EIF2B3: variants seen among roughly 807,000 people sequenced by gnomAD.
EIF2B3 encodes the protein translation initiation factor eIF2B subunit gamma.
A neutral mutation model predicts 54.1 loss-of-function variants in EIF2B3; 20 were observed. The observed-to-expected ratio is 0.37, with a 90% confidence interval of 0.26 to 0.54. The LOEUF (loss-of-function observed/expected upper bound fraction) is 0.54. EIF2B3 is among the 20% of genes least tolerant of loss of function. The probability of loss-of-function intolerance (pLI) is 0.86; values close to 1 mark genes in which losing one functional copy is unlikely to be tolerated. For synonymous variants in EIF2B3, 153 were observed against 188.1 expected (o/e 0.81, Z 1.52); for missense variants, 448 against 547.8 (o/e 0.82, Z 1.82).
At chr1:44,897,860 C>T (rs1269478163) in intron 5 of EIF2B3, among the ~76,000 whole-genome samples, 3 of 151,598 alleles carry the variant, frequency 2.0e-5, no homozygotes, top group African/African-American at 7.3e-5. Context: ...CCTCAGCCTA[C>T]CGAGTAGCTG....
At chr1:44,877,416 C>T (rs1655231956) in intron 8 of EIF2B3, among the ~76,000 whole-genome samples, 1 of 152,148 alleles carries the variant, frequency 6.6e-6, no homozygotes, top group South Asian at 2.1e-4. Flanking sequence ...TGCCATGTCC[C>T]TTGGCTGGGA....
Position 44,965,634 on chromosome 1 carries a change from CTTTTTTT to C in EIF2B3, c.294+12674_294+12680del, listed in dbSNP as rs386366856. On this transcript the variant is annotated intron_variant, in intron 3 of 11. Transcript: ENST00000360403. ...GGGTATCTGAGATGCACAAATGCAT[CTTTTTTT>C]TTTTTTTTTTTTTTTTGAGACGGAG... Among the ~76,000 whole-genome samples the C allele has an allele frequency of 5.4e-4, 55 of 102,408 alleles. 1 individual carries two copies. Among genetic ancestry groups the C allele is most frequent in the South Asian group, 2.0e-3 (6 of 2,994 alleles). 67.2% of individuals were successfully genotyped at this position (102,408 alleles called of 152,430 possible).
At chr1:44,915,936 G>A (rs1278951531) in intron 5 of EIF2B3, among the ~76,000 whole-genome samples, 1 of 152,064 alleles carries the variant, frequency 6.6e-6, no homozygotes, top group Admixed American at 6.6e-5. Context: ...AATATTAAGA[G>A]GTTGAAATTA....
intron 5 of EIF2B3, among the ~76,000 whole-genome samples, chr1:44,922,931 T>A (rs1281630367): frequency 7.1e-6 from 1 of 141,462 alleles, no homozygotes; most frequent in Non-Finnish European, 1.5e-5. Flanking sequence ...CTGTAACCTC[T>A]GCCTCCCAGC....
chr1:44,958,653 T>C, intron 3 of EIF2B3: 1 of 1,590,006 alleles, frequency 6.3e-7, no homozygotes, highest in East Asian at 2.2e-5. Context: ...TCACATATTC[T>C]GTGATCAGCA....
intron 4 of EIF2B3, among the ~76,000 whole-genome samples, chr1:44,937,572 G>A (rs1318139775): frequency 6.6e-6 from 1 of 152,122 alleles, no homozygotes; most frequent in African/African-American, 2.4e-5. Context: ...GAGCATTTCA[G>A]GCAAGGAAGC....
chr1:44,957,980 T>C (rs941688106), intron 3 of EIF2B3, among the ~76,000 whole-genome samples: 2 of 152,230 alleles, frequency 1.3e-5, no homozygotes, highest in African/African-American at 4.8e-5. Flanking sequence ...TAAGAATTTA[T>C]CATGCAACAA....
At chr1:44,875,074 C>T (rs1655078355) in intron 9 of EIF2B3, among the ~76,000 whole-genome samples, 1 of 152,204 alleles carries the variant, frequency 6.6e-6, no homozygotes, top group Admixed American at 6.5e-5. Flanking sequence ...CATATACACA[C>T]TCATGCACTT....
intron 3 of EIF2B3, among the ~76,000 whole-genome samples, chr1:44,973,845 T>C (rs1014164909): frequency 3.9e-5 from 6 of 152,044 alleles, no homozygotes; most frequent in African/African-American, 1.4e-4. Context: ...GTAATAGAGT[T>C]TCAGTTTCAC....
At chr1:44,903,414 A>G (rs1572379) in intron 5 of EIF2B3, among the ~76,000 whole-genome samples, 37,247 of 152,112 alleles carry the variant, frequency 0.24, 5,547 homozygotes, top group African/African-American at 0.43. Context: ...ATGTTCTTGA[A>G]GTCTGCTCCC....
chr1:44,876,066 G>A (rs937676240), intron 8 of EIF2B3, among the ~76,000 whole-genome samples: 2 of 152,224 alleles, frequency 1.3e-5, no homozygotes, highest in African/African-American at 4.8e-5. Flanking sequence ...GATTGCAGAC[G>A]GAGTCTGGTT....
intron 5 of EIF2B3, among the ~76,000 whole-genome samples, chr1:44,923,273 G>T (rs76993585): frequency 2.2e-3 from 334 of 152,322 alleles, no homozygotes; most frequent in African/African-American, 7.9e-3. Context: ...TAACAGCAGT[G>T]AAAGTGGGCA....
intron 11 of EIF2B3, among the ~76,000 whole-genome samples, chr1:44,853,064 G>A (rs1475968397): frequency 1.3e-5 from 2 of 152,106 alleles, no homozygotes; most frequent in African/African-American, 4.8e-5. Flanking sequence ...GGAGAGGAGA[G>A]GAAGACTGTG....
In EIF2B3 at chr1:44,850,874, TAC is replaced by T; in HGVS notation, c.*75_*76del. 4 of 1,515,656 alleles carry T rather than the reference TAC, an allele frequency of 2.6e-6. No homozygotes were observed. The highest frequency in any genetic ancestry group is 2.3e-5 in the East Asian group (1 of 44,414). 93.9% of individuals were successfully genotyped at this position (1,515,656 alleles called of 1,614,324 possible). ...AAGCCCTTCTTTATTGGGAAATAAA[TAC>T]AGAGTTAAACAGGTGGGCCGGCCAA... On this transcript the variant is annotated 3_prime_UTR_variant, in exon 12 of 12. Coordinates refer to ENST00000360403, the MANE Select transcript of EIF2B3 (RefSeq NM_020365.5).
At chr1:44,864,549 G>A (rs879386143) in intron 10 of EIF2B3, among the ~76,000 whole-genome samples, 3 of 152,228 alleles carry the variant, frequency 2.0e-5, no homozygotes, top group Non-Finnish European at 2.9e-5. Flanking sequence ...GTGACACAGC[G>A]AGACTCTGCC....
At chr1:44,974,396 C>T (rs532670352) in intron 3 of EIF2B3, among the ~76,000 whole-genome samples, 2 of 150,690 alleles carry the variant, frequency 1.3e-5, no homozygotes, top group South Asian at 4.2e-4. Flanking sequence ...TCACCTGAGC[C>T]TGGGGAGGTC....
At chr1:44,910,631 CTTTTTTTTTTTTTT>C (rs60757270) in intron 5 of EIF2B3, among the ~76,000 whole-genome samples, 1 of 61,426 alleles carries the variant, frequency 1.6e-5, no homozygotes, top group Non-Finnish European at 3.1e-5. Context: ...CCAAGTAATG[CTTTTTTTTTTTTTT>C]TTTTTTTTTT....
At chr1:44,921,328 A>G (rs2148929089) in intron 5 of EIF2B3, among the ~76,000 whole-genome samples, 1 of 152,220 alleles carries the variant, frequency 6.6e-6, no homozygotes, top group East Asian at 1.9e-4. Flanking sequence ...ATTTTCTCTC[A>G]TTCTGTGGGT....
intron 5 of EIF2B3, among the ~76,000 whole-genome samples, chr1:44,914,552 A>G (rs1569707342): frequency 6.6e-6 from 1 of 152,248 alleles, no homozygotes; most frequent in East Asian, 1.9e-4. Context: ...CTCAGCATAA[A>G]TGTTGTTTTT....
Sources: allele counts gnomAD v4.1 joint callset (sites outside exome capture counted in the v4.1 genomes callset), GRCh38; gene constraint gnomAD v4.1.1; transcripts MANE v1.5; gene names NCBI Gene and HGNC (gene_info 2026-07-23, HGNC 2026-07-21).